Variants in NLGN1 observed in about 807,000 individuals in gnomAD.
NLGN1 encodes neuroligin 1.
A neutral mutation model predicts 65.5 loss-of-function variants in NLGN1; 12 were observed. That is an observed-to-expected ratio of 0.18 (90% CI 0.12 to 0.30). NLGN1 has a LOEUF of 0.30. NLGN1 is among the 10% of genes least tolerant of loss of function. The pLI is 1.00. For missense variants in NLGN1, 750 were observed against 1,007.1 expected (o/e 0.74, Z 3.46); for synonymous variants, 350 against 359.5 (o/e 0.97, Z 0.30).
At position 173,807,686 on chromosome 3, in the gene NLGN1, G is replaced by A. The variant is rs147780897; in HGVS notation, c.500G>A (p.Arg167Gln). Residue 167 changes from arginine to glutamine, a missense_variant, in exon 4 of 7, where the codon CGG becomes CAG. By Grantham distance (43) the Arg-to-Gln change is conservative. Transcript: ENST00000457714. The stretch of plus-strand genomic sequence containing the variant: ...CCAACCATTTGTTTTCCAGATATTC[G>A]GGACAGTGGGGGTCCCAAACCAGTG... 20 of 1,612,642 alleles carry A rather than the reference G, an allele frequency of 1.2e-5. No individual in the cohort carries two copies. In the East Asian group the frequency reaches 1.3e-4, roughly 11 times the overall value.
chr3:173,740,254 C>A (rs942389998), intron 3 of NLGN1, among the ~76,000 whole-genome samples: 1 of 152,044 alleles, frequency 6.6e-6, no homozygotes, highest in East Asian at 1.9e-4. Context: ...ATATATGGAA[C>A]GAGACAGTTA....
At chr3:173,473,025 A>C (rs1725562909) in intron 2 of NLGN1, among the ~76,000 whole-genome samples, 2 of 152,202 alleles carry the variant, frequency 1.3e-5, no homozygotes, top group African/African-American at 4.8e-5. Context: ...ATATTGAGGA[A>C]TCAAATCTGG....
intron 4 of NLGN1, among the ~76,000 whole-genome samples, chr3:174,042,152 A>T (rs993629956): frequency 1.2e-4 from 19 of 152,150 alleles, no homozygotes; most frequent in African/African-American, 4.3e-4. Flanking sequence ...TGTTTCACAG[A>T]TATTTCTCCC....
At chr3:174,260,048 T>A (rs1373839290) in intron 4 of NLGN1, among the ~76,000 whole-genome samples, 4 of 152,078 alleles carry the variant, frequency 2.6e-5, no homozygotes, top group African/African-American at 9.7e-5. Flanking sequence ...TATTCCATGG[T>A]GTATATGTGC....
intron 2 of NLGN1, among the ~76,000 whole-genome samples, chr3:173,555,297 A>AT (rs945748080): frequency 6.6e-6 from 1 of 152,158 alleles, no homozygotes; most frequent in African/African-American, 2.4e-5. Context: ...ATATTGAATG[A>AT]TTTTTTAATG....
chr3:173,548,661 A>G (rs1433443931), intron 2 of NLGN1, among the ~76,000 whole-genome samples: 1 of 152,022 alleles, frequency 6.6e-6, no homozygotes, highest in African/African-American at 2.4e-5. Flanking sequence ...AACAGCTTGA[A>G]ACTTTTGACC....
intron 4 of NLGN1, among the ~76,000 whole-genome samples, chr3:174,077,994 T>C (rs964995205): frequency 4.6e-5 from 7 of 152,042 alleles, no homozygotes; most frequent in African/African-American, 1.7e-4. Context: ...GGGAACAAAA[T>C]GGAGGAACAA....
chr3:174,269,954 A>G (rs187327821), intron 4 of NLGN1, among the ~76,000 whole-genome samples: 6 of 151,728 alleles, frequency 4.0e-5, no homozygotes, highest in Admixed American at 1.3e-4. Context: ...TTTATTGTCC[A>G]TTTGTATATC....
At chr3:173,458,430 T>C (rs1015562647) in intron 2 of NLGN1, among the ~76,000 whole-genome samples, 1 of 152,018 alleles carries the variant, frequency 6.6e-6, no homozygotes, top group Non-Finnish European at 1.5e-5. Flanking sequence ...ATCCTTCTCT[T>C]TTCTGTATCA....
chr3:174,266,493 A>G (rs921578071), intron 4 of NLGN1, among the ~76,000 whole-genome samples: 3 of 152,062 alleles, frequency 2.0e-5, no homozygotes, highest in Non-Finnish European at 2.9e-5. Context: ...TGTCTTTGCT[A>G]TTGTGAATAG....
intron 2 of NLGN1, among the ~76,000 whole-genome samples, chr3:173,439,175 C>T (rs1427420384): frequency 6.6e-6 from 1 of 152,024 alleles, no homozygotes; most frequent in Admixed American, 6.6e-5. Flanking sequence ...GAATTTTTTC[C>T]CCCATAGCAC....
intron 4 of NLGN1, among the ~76,000 whole-genome samples, chr3:174,228,560 A>G (rs1476911618): frequency 6.6e-6 from 1 of 152,146 alleles, no homozygotes; most frequent in African/African-American, 2.4e-5. Flanking sequence ...AATAGGTTAG[A>G]TATAGACGCT....
intron 4 of NLGN1, among the ~76,000 whole-genome samples, chr3:173,866,681 T>C (rs1173711073): frequency 6.6e-6 from 1 of 152,160 alleles, no homozygotes; most frequent in African/African-American, 2.4e-5. Context: ...TAAAAAGAAA[T>C]CTCATGGAAG....
chr3:174,288,461 A>G (rs777503094), downstream of NLGN1, among the ~76,000 whole-genome samples: 21 of 151,436 alleles, frequency 1.4e-4, no homozygotes, highest in South Asian at 8.3e-4. Flanking sequence ...ATTTTGGACT[A>G]TTTGGGATGT....
Position 174,218,325 on chromosome 3 carries a change from TC to T in NLGN1, c.647-56988del, listed in dbSNP as rs879601756. Among the ~76,000 whole-genome samples the T allele has an allele frequency of 1.5e-3, 224 of 152,002 alleles. 2 individuals are homozygous for T. The highest frequency in any genetic ancestry group is 2.6e-3 in the African/African-American group (108 of 41,520). On this transcript the variant is annotated intron_variant, in intron 4 of 6. Coordinates refer to ENST00000457714, the Ensembl canonical transcript of NLGN1. ...AATGTTCCCAGTACAATTTTTTTTT[TC>T]CAGTATTGCTGCATCATCTTTTCTT...
chr3:173,925,816 A>T (rs898085893), intron 4 of NLGN1, among the ~76,000 whole-genome samples: 1 of 152,146 alleles, frequency 6.6e-6, no homozygotes, highest in Admixed American at 6.5e-5. Context: ...AAAGAATAAT[A>T]ATGAATCAGC....
chr3:173,494,748 T>A (rs977357163), intron 2 of NLGN1, among the ~76,000 whole-genome samples: 1 of 151,894 alleles, frequency 6.6e-6, no homozygotes, highest in South Asian at 2.1e-4. Context: ...TCCATACGAA[T>A]GTTGTTACTC....
chr3:173,486,495 C>T (rs533448575), intron 2 of NLGN1, among the ~76,000 whole-genome samples: 6 of 152,116 alleles, frequency 3.9e-5, no homozygotes, highest in Non-Finnish European at 7.4e-5. Context: ...TTGGAGCAAA[C>T]GCTGTGGAGA....
At chr3:173,410,829 C>G (rs796184775) in intron 1 of NLGN1, among the ~76,000 whole-genome samples, 1 of 152,200 alleles carries the variant, frequency 6.6e-6, no homozygotes, top group Non-Finnish European at 1.5e-5. Context: ...AAGTTATTTT[C>G]TGCATTTCAA....
Sources: allele counts gnomAD v4.1 joint callset (sites outside exome capture counted in the v4.1 genomes callset), GRCh38; gene constraint gnomAD v4.1.1; transcripts MANE v1.5; gene names NCBI Gene and HGNC (gene_info 2026-07-23, HGNC 2026-07-21).